The following ESRRG variants were observed in gnomAD, a reference collection of about 807,000 sequenced individuals.
ESRRG encodes estrogen-related receptor gamma.
In ESRRG, 13 loss-of-function variants were observed where a neutral mutation model predicts 44.0. That is an observed-to-expected ratio of 0.30 (90% confidence interval 0.19 to 0.47). The LOEUF (loss-of-function observed/expected upper bound fraction) is 0.47, where lower values mean the gene tolerates loss of function less well. Ranked by LOEUF, ESRRG falls within the 20% of genes least tolerant of loss-of-function variation. The pLI is 1.00. For missense variants in ESRRG, 395 were observed against 580.6 expected, an observed-to-expected ratio of 0.68 and a Z score of 3.29; for synonymous variants, 215 against 214.6, an observed-to-expected ratio of 1.00 and a Z score of -0.02.
At chr1:217,027,611 C>T (rs6684076) in intron 1 of ESRRG, among the ~76,000 whole-genome samples, 22,931 of 151,994 alleles carry the variant, frequency 0.15, 2,267 homozygotes, top group Admixed American at 0.19. Context: ...AGCCGCAAAC[C>T]ACACCATTAA....
At chr1:216,944,244 G>A (rs1370151) in intron 1 of ESRRG, among the ~76,000 whole-genome samples, 16,870 of 152,132 alleles carry the variant, frequency 0.11, 2,046 homozygotes, top group African/African-American at 0.3. Context: ...TCTGACGGAG[G>A]AAGCTTTTCT....
intron 3 of ESRRG, among the ~76,000 whole-genome samples, chr1:216,600,845 C>A (rs2150140667): frequency 6.6e-6 from 1 of 152,336 alleles, no homozygotes; most frequent in East Asian, 1.9e-4. Context: ...ATCAGCCTCA[C>A]AGCGGGTCAC....
At chr1:216,882,299 G>T (rs1346294002) in intron 2 of ESRRG, among the ~76,000 whole-genome samples, 1 of 152,134 alleles carries the variant, frequency 6.6e-6, no homozygotes, top group Admixed American at 6.6e-5. Context: ...AGCTACCAGA[G>T]TATCCATCCT....
At chr1:216,867,717 A>T (rs1211470007) in intron 2 of ESRRG, among the ~76,000 whole-genome samples, 1 of 152,168 alleles carries the variant, frequency 6.6e-6, no homozygotes, top group African/African-American at 2.4e-5. Flanking sequence ...CTGTAATTCC[A>T]TGGTGCTAAG....
chr1:216,696,706 A>G (rs1268224486), intron 1 of ESRRG, among the ~76,000 whole-genome samples: 1 of 152,150 alleles, frequency 6.6e-6, no homozygotes, highest in African/African-American at 2.4e-5. Context: ...ATTTCACACC[A>G]TGGAAAACTG....
intron 1 of ESRRG, among the ~76,000 whole-genome samples, chr1:217,086,557 T>G (rs2092095040): frequency 6.6e-6 from 1 of 152,236 alleles, no homozygotes; most frequent in African/African-American, 2.4e-5. Flanking sequence ...GTATAATGAC[T>G]TAATAGAGTA....
intron 1 of ESRRG, among the ~76,000 whole-genome samples, chr1:217,026,812 T>C (rs1488998362): frequency 1.3e-5 from 2 of 151,750 alleles, no homozygotes; most frequent in Admixed American, 1.3e-4. Flanking sequence ...GGAAAAATTG[T>C]GTTCCATCAA....
chr1:216,745,228 G>A (rs1323552006), intron 2 of ESRRG, among the ~76,000 whole-genome samples: 1 of 152,042 alleles, frequency 6.6e-6, no homozygotes, highest in Admixed American at 6.6e-5. Flanking sequence ...GCACAACCAT[G>A]ACACACTGCA....
At chr1:216,653,216 T>A (rs1026203296) in intron 2 of ESRRG, among the ~76,000 whole-genome samples, 3 of 152,092 alleles carry the variant, frequency 2.0e-5, no homozygotes, top group Admixed American at 2.0e-4. Flanking sequence ...TCAACAAACT[T>A]CTGACAAGAA....
chr1:217,043,539 T>C (rs78556021), intron 1 of ESRRG, among the ~76,000 whole-genome samples: 3,950 of 152,298 alleles, frequency 0.026, 185 homozygotes, highest in African/African-American at 0.09. Context: ...TCCTTAGTAC[T>C]TTCATTAAAG....
intron 1 of ESRRG, among the ~76,000 whole-genome samples, chr1:216,982,255 T>C (rs577152837): frequency 6.6e-6 from 1 of 152,306 alleles, no homozygotes; most frequent in African/African-American, 2.4e-5. Context: ...GTACAGCCTT[T>C]CACTGGATAG....
intron 1 of ESRRG, among the ~76,000 whole-genome samples, chr1:216,711,010 T>C (rs1045020812): frequency 6.6e-6 from 1 of 152,184 alleles, no homozygotes; most frequent in African/African-American, 2.4e-5. Flanking sequence ...GTCGTGCATT[T>C]ACCCAGAATG....
chr1:216,616,267 G>C (rs977489516), intron 3 of ESRRG, among the ~76,000 whole-genome samples: 1 of 152,120 alleles, frequency 6.6e-6, no homozygotes, highest in Non-Finnish European at 1.5e-5. Flanking sequence ...TGTTAACAGT[G>C]AAAGCCTACC....
chr1:217,065,381 C>T (rs2089455543), intron 1 of ESRRG, among the ~76,000 whole-genome samples: 1 of 152,340 alleles, frequency 6.6e-6, no homozygotes, highest in East Asian at 1.9e-4. Flanking sequence ...TTCGATGTGG[C>T]ATTTCTAGGG....
intron 2 of ESRRG, among the ~76,000 whole-genome samples, chr1:216,810,205 C>T (rs2094925876): frequency 6.6e-6 from 1 of 152,160 alleles, no homozygotes; most frequent in Non-Finnish European, 1.5e-5. Context: ...ACACCTGCAC[C>T]AGACACTTCA....
Position 216,899,522 on chromosome 1 carries a change from C to T in ESRRG, c.-14+40060G>A, listed in dbSNP as rs577932118. ...ATTTATGTTTTGCAATCCTAGGACG[C>T]TTAGGAGATCATTTTGAAATTTCCC... On this transcript the variant is annotated intron_variant, in intron 2 of 7. Transcript: ENST00000359162. Among the ~76,000 whole-genome samples, 5 of 152,274 alleles carry T rather than the reference C, an allele frequency of 3.3e-5. No homozygotes were observed. The South Asian group carries it at 1.0e-3, about 32-fold the overall frequency.
intron 1 of ESRRG, among the ~76,000 whole-genome samples, chr1:217,134,737 G>A (rs1416681638): frequency 6.6e-6 from 1 of 152,224 alleles, no homozygotes; most frequent in Non-Finnish European, 1.5e-5. Context: ...CTTGCTCCGG[G>A]CTGAGGCTCG....
At chr1:216,990,661 T>A (rs34250841) in intron 1 of ESRRG, among the ~76,000 whole-genome samples, 29,430 of 152,168 alleles carry the variant, frequency 0.19, 3,226 homozygotes, top group Admixed American at 0.3. Context: ...TCCACTTAAC[T>A]AATAGTAAAT....
chr1:216,611,203 T>C (rs1266811840), intron 3 of ESRRG, among the ~76,000 whole-genome samples: 1 of 44,210 alleles, frequency 2.3e-5, no homozygotes, highest in Non-Finnish European at 4.1e-5. Flanking sequence ...AAAGTGAAAC[T>C]CCGTCCTCAA....
Sources: gnomAD v4.1 joint callset for allele counts (sites outside exome capture counted in the v4.1 genomes callset) on GRCh38, gnomAD v4.1.1 for gene constraint, MANE v1.5 for transcripts, NCBI Gene and HGNC (gene_info 2026-07-23, HGNC 2026-07-21) for gene names.